Variants in HIVEP3 observed in about 807,000 individuals in gnomAD.
HIVEP3 encodes the protein HIVEP zinc finger 3.
In HIVEP3, 49 loss-of-function variants were observed where a neutral mutation model predicts 152.8. The observed-to-expected ratio is 0.32, with a 90% CI of 0.26 to 0.41. The LOEUF (loss-of-function observed/expected upper bound fraction) is 0.41, where lower values mean the gene tolerates loss of function less well. Ranked by LOEUF, HIVEP3 falls within the 10% of genes least tolerant of loss-of-function variation. HIVEP3 has a pLI of 1.00. For missense variants in HIVEP3, 2,790 were observed against 3,103.3 expected, an observed-to-expected ratio of 0.90 and a Z score of 2.40; for synonymous variants, 1,269 against 1,289.0, an observed-to-expected ratio of 0.98 and a Z score of 0.33.
At chr1:42,009,312 C>T (rs930072220) in intron 1 of HIVEP3, among the ~76,000 whole-genome samples, 1 of 152,088 alleles carries the variant, frequency 6.6e-6, no homozygotes, top group African/African-American at 2.4e-5. Flanking sequence ...AGCTTTTATT[C>T]TTCTCTTTGG....
chr1:41,856,565 TGCACAA>T (rs1185758981), intron 1 of HIVEP3, among the ~76,000 whole-genome samples: 1 of 152,186 alleles, frequency 6.6e-6, no homozygotes, highest in Non-Finnish European at 1.5e-5. Context: ...CACATGCACG[TGCACAA>T]GGTGTGCAGA....
At position 41,581,526 on chromosome 1, in the gene HIVEP3, G is replaced by A. The variant is rs201116213; in HGVS notation, c.3272C>T (p.Ala1091Val). The A allele has an allele frequency of 5.5e-5, 88 of 1,590,930 alleles. No homozygotes were observed. Among genetic ancestry groups the A allele is most frequent in the East Asian group, 5.1e-4 (23 of 44,692 alleles). The change falls in exon 4 of 9, where the codon GCG becomes GTG. Residue 1091 changes from alanine (A) to valine (V), a missense_variant. By Grantham distance (64) the Ala-to-Val change is moderately conservative (BLOSUM62 0). Transcript: ENST00000372583. This position sits in a 1 kb window ranked among gnomAD's most constrained non-coding sequence, Gnocchi z 4.5. ...CGGGGGTCCACCATGTGAGGTGGCC[G>A]CAGAGGAAATCTGGGACAATGAGCT... Reference protein sequence around the residue: ...AKSSLSQISSAATSHGGPPGG... With the variant: ...AKSSLSQISSVATSHGGPPGG...
intron 3 of HIVEP3, among the ~76,000 whole-genome samples, chr1:41,600,166 C>T (rs1644724613): frequency 6.6e-6 from 1 of 152,096 alleles, no homozygotes; most frequent in African/African-American, 2.4e-5. Flanking sequence ...GGTAGTTCCT[C>T]AAAAAATAAA....
chr1:41,526,771 A>ATG (rs1642953003), intron 5 of HIVEP3, among the ~76,000 whole-genome samples: 2 of 112,356 alleles, frequency 1.8e-5, no homozygotes. Context: ...TCACCCTCAC[A>ATG]CTCACCCTAA....
intron 1 of HIVEP3, among the ~76,000 whole-genome samples, chr1:41,998,887 CTCTTTTTTTTTTTTTTTT>C (rs1371444951): frequency 1.3e-5 from 1 of 77,312 alleles, no homozygotes; most frequent in African/African-American, 6.0e-5. Flanking sequence ...TTTTCTCTCT[CTCTTTTTTTTTTTTTTTT>C]TTTTTTTTTG....
intron 1 of HIVEP3, among the ~76,000 whole-genome samples, chr1:41,823,452 T>A (rs1027945361): frequency 6.6e-6 from 1 of 152,190 alleles, no homozygotes; most frequent in East Asian, 1.9e-4. Context: ...GAGTAGCAGA[T>A]AAGAACCCAG....
chr1:41,655,942 C>A (rs1558152938), intron 2 of HIVEP3, among the ~76,000 whole-genome samples: 1 of 152,328 alleles, frequency 6.6e-6, no homozygotes, highest in East Asian at 1.9e-4. Context: ...CAACTCTTTA[C>A]ACCCAAACAT....
chr1:41,874,514 GCAGCAGGGCAGC>G (rs1284781121), intron 1 of HIVEP3, among the ~76,000 whole-genome samples: 2 of 152,176 alleles, frequency 1.3e-5, no homozygotes, highest in Non-Finnish European at 2.9e-5. Flanking sequence ...GTGGACTTCA[GCAGCAGGGCAGC>G]TGCCAAACGC....
At chr1:41,985,345 CTGGGTG>C (rs1428523165) in intron 1 of HIVEP3, among the ~76,000 whole-genome samples, 1 of 152,148 alleles carries the variant, frequency 6.6e-6, no homozygotes, top group Non-Finnish European at 1.5e-5. Context: ...TTGCCAGAGA[CTGGGTG>C]GCTTATAAAC....
At chr1:41,798,201 A>T (rs1198909278) in intron 1 of HIVEP3, among the ~76,000 whole-genome samples, 1 of 152,026 alleles carries the variant, frequency 6.6e-6, no homozygotes, top group Admixed American at 6.5e-5. Context: ...TGACGAGTTA[A>T]TGGGTGCAGC....
chr1:41,665,705 T>TACACACACACACAC lies in HIVEP3; in HGVS notation c.-721+35210_-721+35211insGTGTGTGTGTGTGT, dbSNP rs1489493920. On this transcript the variant is annotated intron_variant, in intron 2 of 8. Transcript: ENST00000372583. ...TGAATGCTTGTTTCCACGGAAATGT[T>TACACACACACACAC]ATACACACACACACACACACACACA... Among the ~76,000 whole-genome samples, 6 of 21,844 alleles carry TACACACACACACAC rather than the reference T, an allele frequency of 2.7e-4. 1 individual carries two copies. Among genetic ancestry groups the TACACACACACACAC allele is most frequent in the African/African-American group, 4.9e-4 (1 of 2,036 alleles). The allele number at this position is 21,844 out of a possible 152,430, so 14.3% of individuals were successfully genotyped here.
At chr1:41,610,527 C>A (rs545670866) in intron 3 of HIVEP3, among the ~76,000 whole-genome samples, 101 of 152,182 alleles carry the variant, frequency 6.6e-4, no homozygotes, top group Non-Finnish European at 1.3e-3. Flanking sequence ...TCTTGAAAGG[C>A]ATCTGGTAAG....
At chr1:42,001,819 G>A (rs545855623) in intron 1 of HIVEP3, among the ~76,000 whole-genome samples, 52 of 152,136 alleles carry the variant, frequency 3.4e-4, no homozygotes, top group African/African-American at 6.3e-4. Flanking sequence ...CTAAGTCTCC[G>A]GGGTATCTCA....
chr1:41,880,115 A>G (rs1270091759), intron 1 of HIVEP3, among the ~76,000 whole-genome samples: 2 of 152,078 alleles, frequency 1.3e-5, no homozygotes, highest in Non-Finnish European at 2.9e-5. Flanking sequence ...GCTGGAGTGT[A>G]GTGGCGTGAT....
At chr1:41,970,878 A>G (rs537442133) in intron 1 of HIVEP3, among the ~76,000 whole-genome samples, 30 of 152,306 alleles carry the variant, frequency 2.0e-4, no homozygotes, top group Admixed American at 1.0e-3. Flanking sequence ...AGAAGTTGGA[A>G]GAGGCAAGAC....
chr1:41,684,672 G>A (rs1258880903), intron 2 of HIVEP3, among the ~76,000 whole-genome samples: 1 of 152,212 alleles, frequency 6.6e-6, no homozygotes, highest in Non-Finnish European at 1.5e-5. Flanking sequence ...TGTAAAATGA[G>A]ATTACATGCA....
rs149619292 is a variant in HIVEP3, at chr1:41,932,380, T to A, written n.120-13856A>T. Reference sequence around the variant, plus strand: ...AGAAGATATGGGATTATTGAAGATATAATATTTCTTCTTGAATGAATTTTA... The same window carrying A: ...AGAAGATATGGGATTATTGAAGATAAAATATTTCTTCTTGAATGAATTTTA... On this transcript the variant is annotated intron_variant and non_coding_transcript_variant, in intron 1 of 3. Transcript: ENST00000489103. 5.2e-3 allele frequency among the ~76,000 whole-genome samples: 798 copies of A among 152,012 alleles called. 2 individuals are homozygous for A. Among genetic ancestry groups the A allele is most frequent in the Middle Eastern group, 0.024 (7 of 294 alleles).
At chr1:41,726,756 AG>A (rs1221110384) in intron 1 of HIVEP3, among the ~76,000 whole-genome samples, 1 of 152,154 alleles carries the variant, frequency 6.6e-6, no homozygotes, top group African/African-American at 2.4e-5. Context: ...ACAGGTGTGG[AG>A]GCTGGCAGGT....
chr1:41,987,150 C>G (rs747257745), intron 1 of HIVEP3, among the ~76,000 whole-genome samples: 8 of 152,180 alleles, frequency 5.3e-5, no homozygotes, highest in Non-Finnish European at 1.2e-4. Flanking sequence ...TTTCTGCCCT[C>G]TTGAAGCTTA....
Sources: gnomAD v4.1 joint callset for allele counts (sites outside exome capture counted in the v4.1 genomes callset) on GRCh38, gnomAD v4.1.1 for gene constraint, Gnocchi (gnomAD v3.1) non-coding constraint, MANE v1.5 for transcripts, NCBI Gene and HGNC (gene_info 2026-07-23, HGNC 2026-07-21) for gene names.